F13A1: variants seen among roughly 807,000 people sequenced by gnomAD.
F13A1 encodes the protein FSF, A subunit.
In F13A1, 47 loss-of-function variants were observed where a neutral mutation model predicts 80.1. The ratio of observed to expected loss-of-function variants is 0.59; its 90% confidence interval spans 0.46 to 0.75. F13A1 has a LOEUF of 0.75. Ranked by LOEUF, F13A1 falls within the 30% of genes least tolerant of loss-of-function variation. The pLI, the probability that F13A1 is intolerant of heterozygous loss-of-function variation, is 0.00. For synonymous variants in F13A1, 349 were observed against 344.9 expected (o/e 1.01, Z -0.13); for missense variants, 817 against 930.4 (o/e 0.88, Z 1.59).
At chr6:6,191,169 A>T (rs537608471) in intron 10 of F13A1, among the ~76,000 whole-genome samples, 7 of 152,304 alleles carry the variant, frequency 4.6e-5, no homozygotes, top group African/African-American at 1.4e-4. Flanking sequence ...ATGGAAATGC[A>T]GAAATCACCA....
chr6:6,217,252 A>C (rs1351447143), intron 8 of F13A1, among the ~76,000 whole-genome samples: 1 of 152,110 alleles, frequency 6.6e-6, no homozygotes, highest in Non-Finnish European at 1.5e-5. Flanking sequence ...GGCACTATTC[A>C]CAATAGCAAA....
chr6:6,179,867 T>C (rs1760949319), intron 11 of F13A1, among the ~76,000 whole-genome samples: 1 of 152,152 alleles, frequency 6.6e-6, no homozygotes, highest in Non-Finnish European at 1.5e-5. Context: ...TGCGGACACA[T>C]TTTGTTTTAA....
intron 3 of F13A1, among the ~76,000 whole-genome samples, chr6:6,269,827 C>T (rs776813688): frequency 7.9e-5 from 12 of 152,218 alleles, no homozygotes; most frequent in South Asian, 2.1e-4. Context: ...CATTCTCCTG[C>T]CTCAGCCTCC....
intron 11 of F13A1, among the ~76,000 whole-genome samples, chr6:6,176,298 C>T (rs933722952): frequency 3.9e-5 from 6 of 152,216 alleles, no homozygotes; most frequent in African/African-American, 1.4e-4. Flanking sequence ...AGAACCCTCA[C>T]TGAGGGCTAG....
chr6:6,305,383 C>T lies in F13A1; in HGVS notation c.287G>A (p.Arg96Lys). The change falls in exon 3 of 15, where the codon AGA (arginine) becomes AAA (lysine). Residue 96 changes from arginine to lysine, a missense_variant. Arg to Lys is a conservative substitution (Grantham distance 26). Coordinates refer to ENST00000264870, the MANE Select transcript of F13A1 (RefSeq NM_000129.4). ...QIDFSRPYDPRRDLFRVEYVI... is the reference protein window; with the variant it reads ...QIDFSRPYDPKRDLFRVEYVI... Reference sequence around the variant, plus strand: ...GTATTCCACCCTGAAGAGATCCCTTCTGGGGTCATATGGACGACTGAAGTC... The same window carrying T: ...GTATTCCACCCTGAAGAGATCCCTTTTGGGGTCATATGGACGACTGAAGTC... 6.2e-7 allele frequency: 1 copy of T among 1,614,194 alleles called. No individual in the cohort carries two copies. Among genetic ancestry groups the T allele is most frequent in the Non-Finnish European group, 8.5e-7 (1 of 1,180,046 alleles).
chr6:6,216,297 C>A (rs1226412708), intron 8 of F13A1, among the ~76,000 whole-genome samples: 1 of 151,784 alleles, frequency 6.6e-6, no homozygotes, highest in Non-Finnish European at 1.5e-5. Context: ...CTACAGTAAC[C>A]AAAACAGGAT....
intron 4 of F13A1, among the ~76,000 whole-genome samples, chr6:6,257,884 A>G (rs1488064915): frequency 6.6e-6 from 1 of 152,222 alleles, no homozygotes; most frequent in Non-Finnish European, 1.5e-5. Flanking sequence ...CAATTCTACA[A>G]AGAAAATGTC....
rs1014183982 is a variant in F13A1 at position 6,243,427 on chromosome 6, T to C, written c.798+4885A>G. 1.3e-5 allele frequency among the ~76,000 whole-genome samples: 2 copies of C among 152,198 alleles called. No homozygotes were observed. Among genetic ancestry groups the C allele is most frequent in the African/African-American group, 4.8e-5 (2 of 41,462 alleles). ...GTACCTGATCGTCTTTGGAAGCTCA[T>C]TCTCCAGGGCCCCAGTGCCTATGGC... On this transcript the variant is annotated intron_variant, in intron 6 of 14. Coordinates refer to ENST00000264870, the MANE Select transcript of F13A1 (RefSeq NM_000129.4). The surrounding 1 kb of genome is among the most constrained non-coding windows in gnomAD (Gnocchi z 4.2).
At chr6:6,152,797 G>A (rs1452067061) in intron 13 of F13A1, among the ~76,000 whole-genome samples, 1 of 152,102 alleles carries the variant, frequency 6.6e-6, no homozygotes, top group East Asian at 1.9e-4. Context: ...CAACATAAAC[G>A]CAATGTGCCG....
At chr6:6,293,212 C>T (rs1180537869) in intron 3 of F13A1, among the ~76,000 whole-genome samples, 3 of 152,058 alleles carry the variant, frequency 2.0e-5, no homozygotes, top group Non-Finnish European at 4.4e-5. Flanking sequence ...TCGGAGGGCT[C>T]CTCAGGGAGT....
chr6:6,208,094 A>C (rs1397420703), intron 8 of F13A1, among the ~76,000 whole-genome samples: 1 of 152,238 alleles, frequency 6.6e-6, no homozygotes, highest in East Asian at 1.9e-4. Context: ...GACTTACAAG[A>C]CAAAGATCTT....
rs1760266365 is a variant in F13A1, at chr6:6,145,752, G to A, written c.2066C>T (p.Thr689Ile). 2.5e-6 allele frequency: 4 copies of A among 1,614,016 alleles called. No homozygotes were observed. The highest frequency in any genetic ancestry group is 3.4e-6 in the Non-Finnish European group (4 of 1,180,010). The change falls in exon 15 of 15, where the codon ACC (threonine) becomes ATC (isoleucine). Residue 689 changes from threonine to isoleucine, a missense_variant. Transcript: ENST00000264870. ...KMFREIRPNS[T>I]VQWEEVCRPW... ...CCGGCACACTTCTTCCCACTGCACG[G>A]TGGAGTTGGGCCGGATTTCACTGAA...
chr6:6,297,654 C>T (rs543431571), intron 3 of F13A1, among the ~76,000 whole-genome samples: 4 of 149,304 alleles, frequency 2.7e-5, no homozygotes, highest in Admixed American at 1.3e-4. Flanking sequence ...CTTTATTAGT[C>T]TTGTTAGCGG....
chr6:6,275,749 A>T (rs1757980192), intron 3 of F13A1, among the ~76,000 whole-genome samples: 1 of 152,222 alleles, frequency 6.6e-6, no homozygotes, highest in African/African-American at 2.4e-5. Flanking sequence ...CTAAGCTTCA[A>T]GCATGGGAGA....
At chr6:6,299,328 A>G (rs1454327388) in intron 3 of F13A1, among the ~76,000 whole-genome samples, 6 of 122,220 alleles carry the variant, frequency 4.9e-5, no homozygotes, top group Non-Finnish European at 8.0e-5. Context: ...CTCCTGGATA[A>G]TATCCTGCAG....
rs532479351 is a variant in F13A1, at chr6:6,298,403, C to G, written c.319+6948G>C. Reference sequence around the variant, plus strand: ...AGTCTAAGTCTCTTTGTAGGTCACTCAGGACTTGCTTTATGAATCTTGGTG... The same window carrying G: ...AGTCTAAGTCTCTTTGTAGGTCACTGAGGACTTGCTTTATGAATCTTGGTG... On this transcript the variant is annotated intron_variant, in intron 3 of 14. Coordinates refer to ENST00000264870, the MANE Select transcript of F13A1 (RefSeq NM_000129.4). Among the ~76,000 whole-genome samples the G allele has an allele frequency of 1.5e-3, 232 of 150,110 alleles. 1 individual carries two copies. Among genetic ancestry groups the G allele is most frequent in the Non-Finnish European group, 2.0e-3 (134 of 67,954 alleles).
At chr6:6,299,003 T>C (rs1201201517) in intron 3 of F13A1, among the ~76,000 whole-genome samples, 1 of 147,802 alleles carries the variant, frequency 6.8e-6, no homozygotes, top group Non-Finnish European at 1.5e-5. Context: ...CTCCTTCACT[T>C]ATGAAGCTTA....
At chr6:6,275,012 A>G (rs1055400458) in intron 3 of F13A1, among the ~76,000 whole-genome samples, 9 of 152,144 alleles carry the variant, frequency 5.9e-5, no homozygotes, top group Admixed American at 5.9e-4. Context: ...TGTCCTAGGG[A>G]GGGGATGGAG....
chr6:6,276,382 C>T (rs1757988142), intron 3 of F13A1, among the ~76,000 whole-genome samples: 1 of 152,196 alleles, frequency 6.6e-6, no homozygotes, highest in Non-Finnish European at 1.5e-5. Flanking sequence ...CTCCATGTGC[C>T]TCCAGCTCCT....
Sources: allele counts gnomAD v4.1 joint callset (sites outside exome capture counted in the v4.1 genomes callset), GRCh38; gene constraint gnomAD v4.1.1; non-coding constraint Gnocchi (gnomAD v3.1); transcripts MANE v1.5; gene names NCBI Gene and HGNC (gene_info 2026-07-23, HGNC 2026-07-21).